ZNF148: variants seen among roughly 807,000 people sequenced by gnomAD.
ZNF148 encodes the protein Beta-Enolase Repressor Factor-1.
In ZNF148, 7 loss-of-function variants were observed where a neutral mutation model predicts 67.7. That is an observed-to-expected ratio of 0.10 (90% CI 0.06 to 0.19). The LOEUF (loss-of-function observed/expected upper bound fraction) is 0.19. Ranked by LOEUF, ZNF148 falls within the 10% of genes least tolerant of loss-of-function variation. The pLI, the probability that ZNF148 is intolerant of heterozygous loss-of-function variation, is 1.00. For missense variants in ZNF148, 583 were observed against 947.1 expected (o/e 0.62, Z 5.05); for synonymous variants, 333 against 330.7 (o/e 1.01, Z -0.08).
At chr3:125,331,641 T>G (rs552693229) in intron 1 of ZNF148, among the ~76,000 whole-genome samples, 21 of 152,326 alleles carry the variant, frequency 1.4e-4, no homozygotes, top group Non-Finnish European at 2.5e-4. Context: ...TGATAAACTC[T>G]TACAGTAACA....
chr3:125,318,199 C>T (rs757149166), intron 3 of ZNF148, among the ~76,000 whole-genome samples: 32 of 152,122 alleles, frequency 2.1e-4, no homozygotes, highest in Non-Finnish European at 3.1e-4. Flanking sequence ...ATTCAAAAAT[C>T]CAAATACAAC....
intron 4 of ZNF148, among the ~76,000 whole-genome samples, chr3:125,302,502 G>C (rs964473696): frequency 2.0e-5 from 3 of 152,166 alleles, no homozygotes; most frequent in African/African-American, 7.2e-5. Flanking sequence ...AATTTCTCAT[G>C]TCTCTTATGT....
intron 5 of ZNF148, among the ~76,000 whole-genome samples, chr3:125,280,405 G>A (rs1938313555): frequency 6.6e-6 from 1 of 152,148 alleles, no homozygotes; most frequent in Non-Finnish European, 1.5e-5. Flanking sequence ...CTTTTGGCCA[G>A]GCATGGTGGC....
Position 125,313,453 on chromosome 3 carries a change from A to T in ZNF148, c.188T>A (p.Val63Glu). The change falls in exon 4 of 9, where the codon GTG (valine) becomes GAG (glutamate). Residue 63 changes from valine (V) to glutamate (E), a missense_variant. Val to Glu is a moderately radical substitution (Grantham distance 121). Transcript: ENST00000360647. Reference protein sequence around the residue: ...PHQEILAADEVLQESEMRQQD... With the variant: ...PHQEILAADEELQESEMRQQD... ...TTGTCTCATTTCACTTTCTTGTAAC[A>T]CTTCATCTGCAGCAAGGATCTCCTG... The T allele has an allele frequency of 6.2e-7, 1 of 1,614,026 alleles. No individual in the cohort carries two copies. Among genetic ancestry groups the T allele is most frequent in the Non-Finnish European group, 8.5e-7 (1 of 1,180,012 alleles).
chr3:125,283,363 A>T (rs975744186), intron 5 of ZNF148, among the ~76,000 whole-genome samples: 1 of 152,196 alleles, frequency 6.6e-6, no homozygotes, highest in African/African-American at 2.4e-5. Flanking sequence ...CAAGAAATTC[A>T]CTGTATCATA....
At chr3:125,244,929 G>C (rs1266515798) in intron 7 of ZNF148, among the ~76,000 whole-genome samples, 2 of 151,822 alleles carry the variant, frequency 1.3e-5, no homozygotes, top group African/African-American at 4.8e-5. Flanking sequence ...CCTTCTCAGT[G>C]GTCTTTCCAG....
intron 2 of ZNF148, among the ~76,000 whole-genome samples, chr3:125,329,888 T>C (rs1462509910): frequency 6.6e-6 from 1 of 152,164 alleles, no homozygotes; most frequent in Non-Finnish European, 1.5e-5. Context: ...ATCTCATTTG[T>C]GTAAAAAAAT....
intron 4 of ZNF148, among the ~76,000 whole-genome samples, chr3:125,295,162 T>TA (rs140181194): frequency 0.049 from 7,363 of 151,346 alleles, 290 homozygotes; most frequent in Non-Finnish European, 0.068. Flanking sequence ...AATAAAATGT[T>TA]AAAAAAAAAT....
At chr3:125,280,735 T>C (rs2107611439) in intron 5 of ZNF148, among the ~76,000 whole-genome samples, 1 of 137,370 alleles carries the variant, frequency 7.3e-6, no homozygotes, top group East Asian at 2.1e-4. Flanking sequence ...AAATAATGAT[T>C]CCTTTTTCAT....
intron 7 of ZNF148, among the ~76,000 whole-genome samples, chr3:125,255,583 C>CT (rs201669098): frequency 1.1e-3 from 167 of 151,172 alleles, no homozygotes; most frequent in African/African-American, 3.8e-3. Context: ...CATATGGGAT[C>CT]TTTTTTTTTC....
chr3:125,237,334 C>A (rs1305938507), intron 7 of ZNF148, among the ~76,000 whole-genome samples: 9 of 152,146 alleles, frequency 5.9e-5, no homozygotes, highest in Non-Finnish European at 1.5e-5. Flanking sequence ...GTAATCCCAG[C>A]ACTTTGGGAG....
intron 7 of ZNF148, among the ~76,000 whole-genome samples, chr3:125,266,818 A>G (rs543947601): frequency 3.5e-4 from 53 of 152,102 alleles, no homozygotes; most frequent in Non-Finnish European, 5.7e-4. Flanking sequence ...AGCTAGATTA[A>G]CAAAGAAAAA....
intron 4 of ZNF148, among the ~76,000 whole-genome samples, chr3:125,299,498 C>CT (rs1939473541): frequency 6.6e-6 from 1 of 152,058 alleles, no homozygotes. Context: ...GTTTCCATCT[C>CT]TGTAAAAAAT....
chr3:125,364,099 T>G (rs1342568321), intron 1 of ZNF148, among the ~76,000 whole-genome samples: 1 of 152,182 alleles, frequency 6.6e-6, no homozygotes, highest in African/African-American at 2.4e-5. Context: ...TGACTTAAGT[T>G]AAAACTCCTC....
chr3:125,338,397 AAAG>A (rs1303965815), intron 1 of ZNF148, among the ~76,000 whole-genome samples: 3 of 152,294 alleles, frequency 2.0e-5, no homozygotes, highest in Admixed American at 2.0e-4. Flanking sequence ...GAACCCTAGA[AAAG>A]AATATAGAAA....
intron 4 of ZNF148, among the ~76,000 whole-genome samples, chr3:125,308,995 AAG>A (rs1940050205): frequency 6.6e-6 from 1 of 152,206 alleles, no homozygotes; most frequent in Non-Finnish European, 1.5e-5. Context: ...AGCCAGACAC[AAG>A]AGTTACATGT....
intron 7 of ZNF148, among the ~76,000 whole-genome samples, chr3:125,246,153 A>C (rs1936589258): frequency 6.6e-6 from 1 of 152,210 alleles, no homozygotes; most frequent in African/African-American, 2.4e-5. Context: ...CCACTGTTGT[A>C]TTAATCAGAA....
intron 7 of ZNF148, among the ~76,000 whole-genome samples, chr3:125,276,013 T>C (rs934395142): frequency 2.4e-4 from 37 of 152,316 alleles, no homozygotes; most frequent in African/African-American, 8.9e-4. Context: ...CTTGCTTATA[T>C]GTGTGTTTTT....
At chr3:125,248,321 A>G (rs558979970) in intron 7 of ZNF148, among the ~76,000 whole-genome samples, 8 of 152,134 alleles carry the variant, frequency 5.3e-5, no homozygotes, top group Non-Finnish European at 7.4e-5. Context: ...TAAGCCCCCC[A>G]ATTTCCAGCT....
Sources: allele counts gnomAD v4.1 joint callset (sites outside exome capture counted in the v4.1 genomes callset), GRCh38; gene constraint gnomAD v4.1.1; transcripts MANE v1.5; gene names NCBI Gene and HGNC (gene_info 2026-07-23, HGNC 2026-07-21).